NFIC: variants seen among roughly 807,000 people sequenced by gnomAD.
The protein encoded by NFIC is nuclear factor I C, also known as nuclear factor 1 C-type.
A neutral mutation model predicts 54.4 loss-of-function variants in NFIC; 12 were observed. The ratio of observed to expected loss-of-function variants is 0.22; its 90% CI spans 0.14 to 0.36. The LOEUF (loss-of-function observed/expected upper bound fraction) is 0.36, where lower values mean the gene tolerates loss of function less well. Ranked by LOEUF, NFIC falls within the 10% of genes least tolerant of loss-of-function variation. The pLI, the probability that NFIC is intolerant of heterozygous loss-of-function variation, is 1.00. For missense variants in NFIC, 575 were observed against 718.2 expected, an observed-to-expected ratio of 0.80 and a Z score of 2.28; for synonymous variants, 322 against 319.2, an observed-to-expected ratio of 1.01 and a Z score of -0.09.
At chr19:3,359,694 C>T in intron 1 of NFIC, 1 of 1,427,470 alleles carries the variant, frequency 7.0e-7, no homozygotes, top group South Asian at 1.4e-5. Context: ...TGGTACGTCG[C>T]CGCACCCACT....
chr19:3,462,345 G>C (rs1373418650), intron 10 of NFIC, among the ~76,000 whole-genome samples: 1 of 152,148 alleles, frequency 6.6e-6, no homozygotes. Flanking sequence ...TCACGCCATT[G>C]CACTCCAGCC....
chr19:3,414,451 T>C (rs1020449482), intron 2 of NFIC, among the ~76,000 whole-genome samples: 10 of 151,732 alleles, frequency 6.6e-5, no homozygotes, highest in Admixed American at 1.3e-4. Flanking sequence ...AAAAATTAGC[T>C]GGGCGTGGTG....
intron 2 of NFIC, among the ~76,000 whole-genome samples, chr19:3,414,479 C>T (rs1314973015): frequency 1.3e-5 from 2 of 151,954 alleles, no homozygotes; most frequent in Non-Finnish European, 2.9e-5. Context: ...CCTGTAGTCC[C>T]AGCTACTCTG....
intron 3 of NFIC, among the ~76,000 whole-genome samples, chr19:3,432,527 C>T (rs780452758): frequency 1.6e-4 from 24 of 152,008 alleles, no homozygotes; most frequent in Admixed American, 3.3e-4. Flanking sequence ...ACAGATCTCA[C>T]GACAACCCCG....
intron 6 of NFIC, among the ~76,000 whole-genome samples, chr19:3,439,008 AG>A (rs1176427701): frequency 6.6e-6 from 1 of 152,014 alleles, no homozygotes; most frequent in Non-Finnish European, 1.5e-5. Context: ...AGCAGTGAGG[AG>A]CTCGGGCAAC....
At chr19:3,380,390 A>G in intron 1 of NFIC, among the ~76,000 whole-genome samples, 1 of 141,784 alleles carries the variant, frequency 7.1e-6, no homozygotes, top group African/African-American at 2.7e-5. Context: ...CAGTGGCACA[A>G]TCTGAGCTCA....
chr19:3,456,954 A>T (rs1427814039), intron 10 of NFIC: 1 of 410,370 alleles, frequency 2.4e-6, no homozygotes, highest in Non-Finnish European at 4.6e-6. Flanking sequence ...TATAGATGGG[A>T]AAACTGAGGC....
chr19:3,447,674 C>T (rs2082393455), intron 6 of NFIC, among the ~76,000 whole-genome samples: 1 of 152,212 alleles, frequency 6.6e-6, no homozygotes, highest in Non-Finnish European at 1.5e-5. Context: ...ACACTGCTCC[C>T]GATGGAAATT....
chr19:3,417,194 T>C (rs2081874918), intron 2 of NFIC, among the ~76,000 whole-genome samples: 3 of 152,028 alleles, frequency 2.0e-5, no homozygotes, highest in African/African-American at 7.2e-5. Context: ...CTAATCCCAG[T>C]GCTTTTGGAG....
chr19:3,409,943 C>T (rs894273707), intron 2 of NFIC, among the ~76,000 whole-genome samples: 10 of 152,144 alleles, frequency 6.6e-5, no homozygotes, highest in African/African-American at 2.2e-4. Flanking sequence ...TGCGGTGGCT[C>T]GCACCTGTGT....
intron 10 of NFIC, 45 bp downstream of exon 10, chr19:3,456,680 G>T: frequency 9.5e-6 from 11 of 1,155,498 alleles, no homozygotes; most frequent in South Asian, 1.3e-5. Flanking sequence ...GGGCAGGGCA[G>T]AGGGGCCGGC....
Position 3,435,006 on chromosome 19 carries a change from A to G in NFIC, c.834-77A>G, listed in dbSNP as rs1317273779. On this transcript the variant is annotated intron_variant, in intron 5 of 10. Transcript: ENST00000443272. ...CGCCCCCGCTCACTTAAGGACCGGA[A>G]GTAGCAAAGCCCGCCGTCGCGCCCC... 3 of 1,469,960 alleles carry G rather than the reference A, an allele frequency of 2.0e-6. No homozygotes were observed. In the African/African-American group the frequency reaches 4.2e-5, roughly 21 times the overall value. 91.1% of individuals were successfully genotyped at this position (1,469,960 alleles called of 1,614,324 possible). A position where few individuals can be genotyped will look rare whatever the true frequency, so the allele number is the denominator to read the frequency against.
chr19:3,377,477 G>A (rs2081128982), intron 1 of NFIC, among the ~76,000 whole-genome samples: 1 of 152,008 alleles, frequency 6.6e-6, no homozygotes, highest in South Asian at 2.1e-4. Flanking sequence ...ACCCCTGTCC[G>A]AAATGCCCAG....
chr19:3,391,459 C>T (rs1283565218), intron 2 of NFIC, among the ~76,000 whole-genome samples: 2 of 151,502 alleles, frequency 1.3e-5, no homozygotes, highest in Non-Finnish European at 2.9e-5. Context: ...GAGACCAGCC[C>T]AGCCAACATG....
chr19:3,454,391 A>G, intron 9 of NFIC: 1 of 480,828 alleles, frequency 2.1e-6, no homozygotes. Context: ...AAGGAGCTAC[A>G]CCAGGCCCAG....
intron 2 of NFIC, among the ~76,000 whole-genome samples, chr19:3,419,733 A>C (rs1235397308): frequency 6.6e-6 from 1 of 151,694 alleles, no homozygotes; most frequent in Non-Finnish European, 1.5e-5. Context: ...CGGGAGGCAG[A>C]GGCTGCAGTG....
At chr19:3,428,708 C>T (rs1202755683) in intron 3 of NFIC, among the ~76,000 whole-genome samples, 2 of 152,102 alleles carry the variant, frequency 1.3e-5, no homozygotes, top group South Asian at 2.1e-4. Flanking sequence ...TTGGCCTGGT[C>T]CCCTGGGGAG....
Position 3,468,202 on chromosome 19 carries a change from A to G in NFIC, c.*5433A>G, listed in dbSNP as rs1255415018. On this transcript the variant is annotated 3_prime_UTR_variant, in exon 11 of 11. Transcript: ENST00000443272. ...ATTCTCCTGCCCCACCCCCCCGTCCATGGCAGCCCCCTCCCCAAGGCTTTG... is the reference window on the plus strand; with the variant it reads ...ATTCTCCTGCCCCACCCCCCCGTCCGTGGCAGCCCCCTCCCCAAGGCTTTG... 3 of 40,188 alleles carry G rather than the reference A, an allele frequency of 7.5e-5. No individual in the cohort carries two copies. Among genetic ancestry groups the G allele is most frequent in the Non-Finnish European group, 1.7e-4 (3 of 17,960 alleles). 2.5% of individuals were successfully genotyped at this position (40,188 alleles called of 1,614,324 possible).
At position 3,368,478 on chromosome 19, in the gene NFIC, A is replaced by C. The variant is rs200784634; in HGVS notation, c.30+1812A>C. ...AAACCAAAAAACGGAGAGGCTAAAA[A>C]CTAAAAACTATCCAGGGGTGCTGCG... On this transcript the variant is annotated intron_variant, in intron 1 of 10. Coordinates refer to ENST00000443272, the MANE Select transcript of NFIC (RefSeq NM_001245002.2). 1.9e-4 allele frequency among the ~76,000 whole-genome samples: 29 copies of C among 152,306 alleles called. No individual in the cohort carries two copies. In the East Asian group the frequency reaches 5.4e-3, roughly 28 times the overall value.
Sources: gnomAD v4.1 joint callset for allele counts (sites outside exome capture counted in the v4.1 genomes callset) on GRCh38, gnomAD v4.1.1 for gene constraint, MANE v1.5 for transcripts, NCBI Gene and HGNC (gene_info 2026-07-23, HGNC 2026-07-21) for gene names.